The following TRPM3 variants were observed in gnomAD, a reference collection of about 807,000 sequenced individuals.
The protein encoded by TRPM3 is long transient receptor potential channel 3.
Under a neutral mutation model 181.2 loss-of-function variants are expected in TRPM3, and 77 were observed. The observed-to-expected ratio is 0.42, with a 90% CI of 0.35 to 0.51. TRPM3 has a LOEUF of 0.51. Among genes scored for constraint, TRPM3 ranks in the 20% least tolerant of loss-of-function variants. The pLI is 0.01. For missense variants in TRPM3, 1,759 were observed against 2,196.7 expected, an observed-to-expected ratio of 0.80 and a Z score of 3.98; for synonymous variants, 745 against 796.4, an observed-to-expected ratio of 0.94 and a Z score of 1.09.
intron 1 of TRPM3, among the ~76,000 whole-genome samples, chr9:71,183,556 T>C (rs1482055639): frequency 6.6e-6 from 1 of 152,140 alleles, no homozygotes; most frequent in Non-Finnish European, 1.5e-5. Flanking sequence ...TATTATTATA[T>C]ACTAACCTAT....
At position 70,601,220 on chromosome 9, in the gene TRPM3, G is replaced by T. The variant is rs1328634856; in HGVS notation, c.2796+2122C>A. 2.6e-5 allele frequency among the ~76,000 whole-genome samples: 4 copies of T among 152,276 alleles called. No homozygotes were observed. The South Asian group carries it at 6.2e-4, about 24-fold the overall frequency. On this transcript the variant is annotated intron_variant, in intron 20 of 25. Transcript: ENST00000677713. ...CCATCGACCTCACAGAGTTGTCGGC[G>T]GGGGTAGGATCCAGATGAGATAACG...
intron 22 of TRPM3, among the ~76,000 whole-genome samples, chr9:70,590,524 A>G (rs1337964758): frequency 6.6e-6 from 1 of 151,728 alleles, no homozygotes; most frequent in African/African-American, 2.4e-5. Context: ...GACAGTGGGA[A>G]AGGGAGTTGG....
At chr9:70,954,629 A>G (rs1173474546) in intron 1 of TRPM3, among the ~76,000 whole-genome samples, 2 of 152,310 alleles carry the variant, frequency 1.3e-5, no homozygotes, top group East Asian at 1.9e-4. Context: ...TGACAGTAGA[A>G]GAATAAAATC....
chr9:70,823,541 T>A (rs1247152810), intron 6 of TRPM3, among the ~76,000 whole-genome samples: 1 of 152,246 alleles, frequency 6.6e-6, no homozygotes, highest in Admixed American at 6.5e-5. Flanking sequence ...CCTGATCACC[T>A]AATAGAAACT....
At chr9:70,790,956 C>A (rs1166753307) in intron 6 of TRPM3, among the ~76,000 whole-genome samples, 2 of 152,086 alleles carry the variant, frequency 1.3e-5, no homozygotes, top group African/African-American at 4.8e-5. Flanking sequence ...TATTGAGGAG[C>A]AGAGTGAGCC....
In TRPM3 at chr9:70,957,618, G is replaced by A. The variant is rs571194450; in HGVS notation, c.178-93107C>T. Among the ~76,000 whole-genome samples the A allele has an allele frequency of 3.9e-5, 6 of 152,260 alleles. 1 individual carries two copies. The South Asian group carries it at 1.0e-3, about 26-fold the overall frequency. On this transcript the variant is annotated intron_variant, in intron 1 of 25. Coordinates refer to ENST00000677713, the MANE Select transcript of TRPM3 (RefSeq NM_001366145.2). ...TTAGCAGCATGCTTGGCTGCATTCG[G>A]TTCATAAATACTCATTCCTCTGTTT...
chr9:70,672,700 G>C (rs2063209954), intron 9 of TRPM3, among the ~76,000 whole-genome samples: 1 of 151,980 alleles, frequency 6.6e-6, no homozygotes, highest in Non-Finnish European at 1.5e-5. Context: ...TAAAATATTG[G>C]TTTTCTTTTT....
chr9:70,658,988 T>G lies in TRPM3; in HGVS notation c.1346-18328A>C, dbSNP rs150364869. 3.7e-4 allele frequency among the ~76,000 whole-genome samples: 57 copies of G among 152,258 alleles called. 1 individual carries two copies. The East Asian group carries it at 0.011, about 28-fold the overall frequency. ...TTTTCTTTTGAGTTATTGACAGCTT[T>G]TAAGAAGTTAGTATACTCCTATGAA... is the stretch of plus-strand genomic sequence containing the variant. On this transcript the variant is annotated intron_variant, in intron 9 of 25. Transcript: ENST00000677713.
intron 1 of TRPM3, among the ~76,000 whole-genome samples, chr9:70,870,220 A>C (rs184032936): frequency 6.6e-6 from 1 of 152,158 alleles, no homozygotes. Flanking sequence ...TCAAACTTGA[A>C]TTCGGTCCTG....
intron 1 of TRPM3, among the ~76,000 whole-genome samples, chr9:70,871,801 G>C (rs768736814): frequency 2.6e-5 from 4 of 151,920 alleles, no homozygotes; most frequent in African/African-American, 9.7e-5. Flanking sequence ...AAACCACAAG[G>C]GTAATGCTTA....
In TRPM3 at chr9:70,529,597, CTG is replaced by C. The variant is rs553927092; in HGVS notation, c.*6354_*6355del. Reference sequence around the variant, plus strand: ...CTTCTGAATCTCTCTCACAAAGACTCTGTGTTCAAGTTTAGAATTATGTGGCT... The same window carrying C: ...CTTCTGAATCTCTCTCACAAAGACTCTGTTCAAGTTTAGAATTATGTGGCT... On this transcript the variant is annotated 3_prime_UTR_variant, in exon 26 of 26. Coordinates refer to ENST00000677713, the MANE Select transcript of TRPM3 (RefSeq NM_001366145.2). 63 of 152,294 alleles carry C rather than the reference CTG, an allele frequency of 4.1e-4. No homozygotes were observed. The highest frequency in any genetic ancestry group is 1.4e-3 in the African/African-American group (59 of 41,570). The allele number at this position is 152,294 out of a possible 1,614,324, so 9.4% of individuals were successfully genotyped here. A position where few individuals can be genotyped will look rare whatever the true frequency, so the allele number is the denominator to read the frequency against.
At chr9:71,419,086 C>CA (rs1290021386) in intron 1 of TRPM3, among the ~76,000 whole-genome samples, 1 of 151,184 alleles carries the variant, frequency 6.6e-6, no homozygotes, top group Non-Finnish European at 1.5e-5. Context: ...AAAAAGCTAT[C>CA]AAAAAAATGT....
chr9:70,999,730 G>T (rs1172545406), intron 1 of TRPM3, among the ~76,000 whole-genome samples: 1 of 152,132 alleles, frequency 6.6e-6, no homozygotes, highest in African/African-American at 2.4e-5. Context: ...TTGATCCAAG[G>T]TTATTTTTAT....
intron 22 of TRPM3, among the ~76,000 whole-genome samples, chr9:70,588,573 C>T (rs2057557215): frequency 6.6e-6 from 1 of 152,154 alleles, no homozygotes; most frequent in South Asian, 2.1e-4. Flanking sequence ...GCACGGGGTA[C>T]ACCCACAGGA....
chr9:70,946,954 A>G (rs1442567505), intron 1 of TRPM3, among the ~76,000 whole-genome samples: 1 of 152,196 alleles, frequency 6.6e-6, no homozygotes, highest in African/African-American at 2.4e-5. Flanking sequence ...CAATTTGTGT[A>G]TCCATTCTGT....
intron 1 of TRPM3, among the ~76,000 whole-genome samples, chr9:71,205,422 A>C (rs145795520): frequency 6.6e-6 from 1 of 152,244 alleles, no homozygotes; most frequent in African/African-American, 2.4e-5. Flanking sequence ...TAAGAGTGCC[A>C]GTGCCTAGGT....
At chr9:70,564,767 T>C (rs1428725508) in intron 22 of TRPM3, among the ~76,000 whole-genome samples, 1 of 152,196 alleles carries the variant, frequency 6.6e-6, no homozygotes, top group African/African-American at 2.4e-5. Context: ...CGACTCCCAT[T>C]GCATTGTGCC....
intron 1 of TRPM3, among the ~76,000 whole-genome samples, chr9:71,020,965 C>G (rs966578959): frequency 5.3e-5 from 8 of 152,152 alleles, no homozygotes; most frequent in Non-Finnish European, 1.0e-4. Flanking sequence ...AGCTAACTAA[C>G]TGGTTAAATA....
At chr9:71,044,152 CACAAG>C (rs1263383225) in intron 1 of TRPM3, among the ~76,000 whole-genome samples, 5 of 152,070 alleles carry the variant, frequency 3.3e-5, no homozygotes, top group African/African-American at 1.2e-4. Context: ...TAAGTTTAGT[CACAAG>C]ACTTTTAAAA....
Sources: gnomAD v4.1 joint callset for allele counts (sites outside exome capture counted in the v4.1 genomes callset) on GRCh38, gnomAD v4.1.1 for gene constraint, MANE v1.5 for transcripts, NCBI Gene and HGNC (gene_info 2026-07-23, HGNC 2026-07-21) for gene names.